Variants in IQSEC1 observed in about 807,000 individuals in gnomAD.
The protein encoded by IQSEC1 is IQ motif and SEC7 domain-containing protein 1.
In IQSEC1, 31 loss-of-function variants were observed where a neutral mutation model predicts 91.0. The observed-to-expected ratio is 0.34, with a 90% CI of 0.26 to 0.46. The LOEUF is 0.46. Ranked by LOEUF, IQSEC1 falls within the 20% of genes least tolerant of loss-of-function variation. IQSEC1 has a pLI of 1.00. For missense variants in IQSEC1, 1,388 were observed against 1,575.6 expected, an observed-to-expected ratio of 0.88 and a Z score of 2.02; for synonymous variants, 699 against 662.6, an observed-to-expected ratio of 1.05 and a Z score of -0.84.
intron 1 of IQSEC1, among the ~76,000 whole-genome samples, chr3:12,972,533 G>C (rs542916858): frequency 6.6e-6 from 1 of 152,330 alleles, no homozygotes; most frequent in South Asian, 2.1e-4. Flanking sequence ...CACATTTTGA[G>C]CTTCTGCTCA....
chr3:12,988,977 G>C (rs745771217), intron 1 of IQSEC1, among the ~76,000 whole-genome samples: 3 of 152,206 alleles, frequency 2.0e-5, no homozygotes, highest in Non-Finnish European at 4.4e-5. Context: ...CTTGCCCAAC[G>C]ATGCAAAGCA....
intron 3 of IQSEC1, among the ~76,000 whole-genome samples, chr3:12,930,748 C>T (rs141881236): frequency 6.6e-6 from 1 of 152,310 alleles, no homozygotes; most frequent in Non-Finnish European, 1.5e-5. Flanking sequence ...GTTCCTGTCA[C>T]ATGCAACAGA....
chr3:13,021,977 C>A, intron 1 of IQSEC1: 1 of 1,158,998 alleles, frequency 8.6e-7, no homozygotes. Flanking sequence ...GCCATGCAAA[C>A]CATCCGGCCC....
chr3:12,963,671 G>C (rs933876630), intron 1 of IQSEC1, among the ~76,000 whole-genome samples: 1 of 152,146 alleles, frequency 6.6e-6, no homozygotes, highest in African/African-American at 2.4e-5. Flanking sequence ...ACATATCTGA[G>C]GCCACACAGC....
intron 2 of IQSEC1, among the ~76,000 whole-genome samples, chr3:13,131,009 G>A (rs1390089484): frequency 1.4e-5 from 2 of 140,464 alleles, no homozygotes; most frequent in African/African-American, 5.6e-5. Context: ...AAGGAGGGAA[G>A]GAAGGAACGG....
chr3:13,062,612 G>C (rs145788616), intron 1 of IQSEC1, among the ~76,000 whole-genome samples: 50 of 152,272 alleles, frequency 3.3e-4, no homozygotes, highest in African/African-American at 1.2e-3. Context: ...GAGGTGGCCT[G>C]ACCTCTCTGC....
In IQSEC1 at chr3:12,998,635, T is replaced by A. The variant is rs573151964; in HGVS notation, c.24-56770A>T. Among the ~76,000 whole-genome samples, 240 of 152,022 alleles carry A rather than the reference T, an allele frequency of 1.6e-3. 2 individuals carry two copies. The highest frequency in any genetic ancestry group is 3.9e-3 in the African/African-American group (162 of 41,456). ...GGGTCCCTCTTAAAAAAATTTTTTTTAAATAAAAATAAAAATCTGGAATTA... is the reference window on the plus strand; with the variant it reads ...GGGTCCCTCTTAAAAAAATTTTTTTAAAATAAAAATAAAAATCTGGAATTA... On this transcript the variant is annotated intron_variant, in intron 1 of 13. Transcript: ENST00000613206.
At chr3:13,252,876 G>T (rs950814268) in intron 1 of IQSEC1, among the ~76,000 whole-genome samples, 2 of 152,126 alleles carry the variant, frequency 1.3e-5, no homozygotes, top group East Asian at 1.9e-4. Flanking sequence ...GGGACCACAG[G>T]CACCCGCCAC....
intron 6 of IQSEC1, among the ~76,000 whole-genome samples, chr3:12,917,466 C>T: frequency 6.6e-6 from 1 of 152,346 alleles, no homozygotes; most frequent in South Asian, 2.1e-4. Context: ...TTGCCTTTTC[C>T]AGAATGTCAT....
At chr3:13,164,401 T>C (rs906371016) in intron 1 of IQSEC1, among the ~76,000 whole-genome samples, 1 of 152,158 alleles carries the variant, frequency 6.6e-6, no homozygotes, top group Admixed American at 6.5e-5. Flanking sequence ...CTGCAATTGT[T>C]TTCCCAGGAT....
chr3:13,195,026 T>G (rs572473218), intron 1 of IQSEC1, among the ~76,000 whole-genome samples: 19 of 152,294 alleles, frequency 1.2e-4, no homozygotes, highest in Non-Finnish European at 2.1e-4. Flanking sequence ...AAATGTTTGC[T>G]CTGTGAGAGA....
At chr3:13,104,987 A>G (rs943252493) in intron 2 of IQSEC1, among the ~76,000 whole-genome samples, 2 of 152,232 alleles carry the variant, frequency 1.3e-5, no homozygotes, top group South Asian at 2.1e-4. Context: ...CGGTTTGCCA[A>G]TGCTAGTAGT....
intron 1 of IQSEC1, among the ~76,000 whole-genome samples, chr3:13,280,610 A>T (rs1695772706): frequency 6.6e-6 from 1 of 151,658 alleles, no homozygotes; most frequent in Non-Finnish European, 1.5e-5. Flanking sequence ...TCACACCAAG[A>T]CTCCCCACAG....
chr3:13,084,216 G>A (rs1056004980), intron 2 of IQSEC1, among the ~76,000 whole-genome samples: 2 of 152,140 alleles, frequency 1.3e-5, no homozygotes, highest in African/African-American at 4.8e-5. Flanking sequence ...CTGACGACCT[G>A]GGGCCTGGCT....
At chr3:12,989,720 G>A (rs763199197) in intron 1 of IQSEC1, among the ~76,000 whole-genome samples, 21 of 152,116 alleles carry the variant, frequency 1.4e-4, no homozygotes, top group Non-Finnish European at 1.6e-4. Flanking sequence ...GTCCTCACCC[G>A]CCCTCAACCC....
chr3:13,092,743 A>C (rs1209880913), intron 2 of IQSEC1, among the ~76,000 whole-genome samples: 1 of 152,202 alleles, frequency 6.6e-6, no homozygotes, highest in Admixed American at 6.5e-5. Context: ...CGCGTAAAAC[A>C]GTCCACCAAC....
chr3:13,138,390 C>A (rs935409882), intron 2 of IQSEC1, among the ~76,000 whole-genome samples: 9 of 152,078 alleles, frequency 5.9e-5, no homozygotes, highest in African/African-American at 1.9e-4. Flanking sequence ...CCTTGGAACC[C>A]CACCTGGGCC....
intron 2 of IQSEC1, among the ~76,000 whole-genome samples, chr3:13,147,628 G>C (rs1706919347): frequency 6.6e-6 from 1 of 152,188 alleles, no homozygotes; most frequent in Non-Finnish European, 1.5e-5. Context: ...CAATAAACAT[G>C]TATGTGCCGG....
chr3:12,964,011 G>A (rs919840743), intron 1 of IQSEC1, among the ~76,000 whole-genome samples: 2 of 152,198 alleles, frequency 1.3e-5, no homozygotes, highest in Admixed American at 6.5e-5. Flanking sequence ...TGCTAGGCAG[G>A]CATCGGGGTA....
Sources: gnomAD v4.1 joint callset for allele counts (sites outside exome capture counted in the v4.1 genomes callset) on GRCh38, gnomAD v4.1.1 for gene constraint, MANE v1.5 for transcripts, NCBI Gene and HGNC (gene_info 2026-07-23, HGNC 2026-07-21) for gene names.